TRDN: variants seen among roughly 807,000 people sequenced by gnomAD.
TRDN encodes triadin, also known as triadin in skeletal muscle.
Under a neutral mutation model 149.7 loss-of-function variants are expected in TRDN, and 161 were observed. That is an observed-to-expected ratio of 1.08 (90% CI 0.95 to 1.23). The LOEUF is 1.23. Ranked by LOEUF, TRDN falls within the 50% of genes most tolerant of loss-of-function variation. The probability of loss-of-function intolerance (pLI) is 0.00; values close to 1 mark genes in which losing one functional copy is unlikely to be tolerated. For synonymous variants in TRDN, 294 were observed against 250.5 expected, an observed-to-expected ratio of 1.17 and a Z score of -1.64; for missense variants, 896 against 823.5, an observed-to-expected ratio of 1.09 and a Z score of -1.08.
intron 12 of TRDN, among the ~76,000 whole-genome samples, chr6:123,429,445 G>A (rs1418215394): frequency 6.6e-6 from 1 of 152,150 alleles, no homozygotes; most frequent in African/African-American, 2.4e-5. Context: ...TGCAGTTGAG[G>A]GAGATATCAC....
At chr6:123,363,856 T>TA (rs1458821110) in intron 20 of TRDN, among the ~76,000 whole-genome samples, 2 of 152,194 alleles carry the variant, frequency 1.3e-5, no homozygotes, top group Non-Finnish European at 2.9e-5. Flanking sequence ...GTTGCCTCCT[T>TA]ACATATTTTG....
chr6:123,322,358 C>T (rs1582870142), intron 23 of TRDN, among the ~76,000 whole-genome samples: 1 of 152,160 alleles, frequency 6.6e-6, no homozygotes. Flanking sequence ...CCTTTTTAAC[C>T]AAATAATCTA....
chr6:123,476,059 G>A (rs1377723782), intron 9 of TRDN, among the ~76,000 whole-genome samples: 3 of 136,026 alleles, frequency 2.2e-5, no homozygotes. Context: ...TTCTGGCCAG[G>A]GCAATTAGGC....
intron 32 of TRDN, among the ~76,000 whole-genome samples, chr6:123,266,270 GTA>G (rs1776965484): frequency 3.7e-5 from 1 of 26,938 alleles, no homozygotes; most frequent in Non-Finnish European, 7.9e-5. Flanking sequence ...ATTATATATA[GTA>G]ATATATATTA....
chr6:123,406,026 A>G (rs1398596304), intron 12 of TRDN, among the ~76,000 whole-genome samples: 1 of 152,222 alleles, frequency 6.6e-6, no homozygotes, highest in African/African-American at 2.4e-5. Context: ...ATGTCTACTC[A>G]AATTTCTAAA....
intron 12 of TRDN, among the ~76,000 whole-genome samples, chr6:123,397,415 C>T (rs865804736): frequency 7.9e-5 from 12 of 152,118 alleles, no homozygotes; most frequent in Non-Finnish European, 1.5e-4. Context: ...ACTTCCCTTC[C>T]TACTACCCTA....
intron 10 of TRDN, among the ~76,000 whole-genome samples, chr6:123,455,438 GTC>G (rs58806082): frequency 0.1 from 14,899 of 145,656 alleles, 944 homozygotes; most frequent in South Asian, 0.19. Flanking sequence ...GTGTGTGTGT[GTC>G]TGTGTGTGTT....
At chr6:123,414,244 T>A (rs903124214) in intron 12 of TRDN, among the ~76,000 whole-genome samples, 7 of 152,230 alleles carry the variant, frequency 4.6e-5, no homozygotes, top group African/African-American at 1.7e-4. Context: ...GGTTACTAAA[T>A]CCTTTCTATT....
At chr6:123,462,917 G>T (rs1011473031) in intron 10 of TRDN, 1 of 152,026 alleles carries the variant, frequency 6.6e-6, no homozygotes, top group African/African-American at 2.4e-5. Flanking sequence ...TAGACTCCCC[G>T]AGCTGCTCAG....
intron 1 of TRDN, among the ~76,000 whole-genome samples, chr6:123,609,158 G>A (rs373000883): frequency 6.6e-6 from 1 of 151,924 alleles, no homozygotes; most frequent in Non-Finnish European, 1.5e-5. Context: ...GGGTGACAGA[G>A]GGAGACTCCA....
At chr6:123,420,099 G>A (rs747181756) in intron 12 of TRDN, among the ~76,000 whole-genome samples, 19 of 152,168 alleles carry the variant, frequency 1.2e-4, no homozygotes, top group Non-Finnish European at 1.9e-4. Context: ...CAAAGTGCTC[G>A]TAATTTAATA....
chr6:123,360,710 AGAGAGAGACG>A (rs1332600549), intron 20 of TRDN, among the ~76,000 whole-genome samples: 8,367 of 86,078 alleles, frequency 0.097, 764 homozygotes, highest in African/African-American at 0.32. Flanking sequence ...AGAAAGAGAG[AGAGAGAGACG>A]GAGAGAGAGA....
intron 24 of TRDN, among the ~76,000 whole-genome samples, chr6:123,294,598 G>A (rs1319893325): frequency 6.6e-6 from 1 of 152,168 alleles, no homozygotes; most frequent in Non-Finnish European, 1.5e-5. Flanking sequence ...AATAGGGTTT[G>A]CACTCATATG....
At chr6:123,477,861 A>G (rs1468640273) in intron 9 of TRDN, among the ~76,000 whole-genome samples, 2 of 149,042 alleles carry the variant, frequency 1.3e-5, no homozygotes, top group South Asian at 2.1e-4. Context: ...TTGAACGATG[A>G]GATCACATGG....
chr6:123,295,942 G>T (rs530984322), intron 24 of TRDN, among the ~76,000 whole-genome samples: 53 of 151,820 alleles, frequency 3.5e-4, no homozygotes, highest in Non-Finnish European at 6.6e-4. Flanking sequence ...TCCAGCCTGG[G>T]TGATGGAGTA....
intron 20 of TRDN, among the ~76,000 whole-genome samples, chr6:123,358,272 A>G (rs1439518518): frequency 6.6e-6 from 1 of 152,224 alleles, no homozygotes; most frequent in Non-Finnish European, 1.5e-5. Flanking sequence ...TTGGTATGTA[A>G]TGCCCAGATT....
intron 9 of TRDN, among the ~76,000 whole-genome samples, chr6:123,486,253 C>CTTT (rs574124381): frequency 7.0e-6 from 1 of 141,964 alleles, no homozygotes; most frequent in Non-Finnish European, 1.5e-5. Context: ...GGTGTAACTT[C>CTTT]TTTTTTTTTT....
At chr6:123,246,996 A>G (rs779666448) in intron 38 of TRDN, among the ~76,000 whole-genome samples, 6 of 152,340 alleles carry the variant, frequency 3.9e-5, no homozygotes, top group Admixed American at 2.0e-4. Context: ...AATCAATGAC[A>G]AAAACCACAT....
intron 21 of TRDN, among the ~76,000 whole-genome samples, chr6:123,343,452 T>C (rs527277678): frequency 6.6e-6 from 1 of 152,056 alleles, no homozygotes; most frequent in South Asian, 2.1e-4. Context: ...AAACTTAATT[T>C]ATAAGATGAT....
Sources: allele counts gnomAD v4.1 joint callset (sites outside exome capture counted in the v4.1 genomes callset), GRCh38; gene constraint gnomAD v4.1.1; transcripts MANE v1.5; gene names NCBI Gene and HGNC (gene_info 2026-07-23, HGNC 2026-07-21).